Variants in COL23A1 observed in about 807,000 individuals in gnomAD.
COL23A1 encodes collagen alpha-1(XXIII) chain.
Under a neutral mutation model 99.3 loss-of-function variants are expected in COL23A1, and 97 were observed. The ratio of observed to expected loss-of-function variants is 0.98; its 90% CI spans 0.83 to 1.16. The LOEUF (loss-of-function observed/expected upper bound fraction) is 1.16, where lower values mean the gene tolerates loss of function less well. COL23A1 is among the 50% of genes most tolerant of loss of function. The probability of loss-of-function intolerance (pLI) is 0.00; values close to 1 mark genes in which losing one functional copy is unlikely to be tolerated. For synonymous variants in COL23A1, 320 were observed against 308.2 expected (o/e 1.04, Z -0.40); for missense variants, 762 against 757.4 (o/e 1.01, Z -0.07).
Position 178,307,450 on chromosome 5 carries a change from T to G in COL23A1, c.362-531A>C, listed in dbSNP as rs569107996. On this transcript the variant is annotated intron_variant, in intron 2 of 28. Coordinates refer to ENST00000390654, the MANE Select transcript of COL23A1 (RefSeq NM_173465.4). The surrounding 1 kb of genome is among the most constrained non-coding windows in gnomAD (Gnocchi z 4.2). ...TCCGCCTGCAGTCTCCGCCACTCGC[T>G]GGGGCCTCCAGCTCCTCCTTCCCCA... Among the ~76,000 whole-genome samples the G allele has an allele frequency of 1.7e-4, 26 of 152,350 alleles. No individual in the cohort carries two copies. The highest frequency in any genetic ancestry group is 5.5e-4 in the African/African-American group (23 of 41,584).
rs904416278 is a variant in COL23A1 at position 178,249,937 on chromosome 5, G to T, written c.1059+124C>A. 105 of 1,323,468 alleles carry T rather than the reference G, an allele frequency of 7.9e-5. No individual in the cohort carries two copies. The Middle Eastern group carries it at 1.0e-3, about 13-fold the overall frequency. The allele number at this position is 1,323,468 out of a possible 1,614,324, so 82.0% of individuals were successfully genotyped here. A position where few individuals can be genotyped will look rare whatever the true frequency, so the allele number is the denominator to read the frequency against. On this transcript the variant is annotated intron_variant, in intron 18 of 28. Coordinates refer to ENST00000390654, the MANE Select transcript of COL23A1 (RefSeq NM_173465.4). Reference sequence around the variant, plus strand: ...CCTGGTGCCAAAATCCATGATTTTTGATTTTCTCACACATGGTGTTTCTCT... The same window carrying T: ...CCTGGTGCCAAAATCCATGATTTTTTATTTTCTCACACATGGTGTTTCTCT...
At chr5:178,370,871 G>A (rs1762763090) in intron 2 of COL23A1, among the ~76,000 whole-genome samples, 1 of 152,184 alleles carries the variant, frequency 6.6e-6, no homozygotes, top group Non-Finnish European at 1.5e-5. Flanking sequence ...GAGCCCAGGA[G>A]GTCAAGGTTG....
chr5:178,372,729 C>T (rs1464778461), intron 2 of COL23A1, among the ~76,000 whole-genome samples: 1 of 151,842 alleles, frequency 6.6e-6, no homozygotes, highest in Non-Finnish European at 1.5e-5. Flanking sequence ...CCCACCACCA[C>T]ACCTGGCTAA....
In COL23A1 at chr5:178,296,106, G is replaced by C. The variant is rs117250082; in HGVS notation, c.407-5737C>G. On this transcript the variant is annotated intron_variant, in intron 3 of 28. Transcript: ENST00000390654. ...CTTGACAGTGGCTGGAGAAAGCTCT[G>C]TGTCTTTGCTCCTCCCAGCTTTTGC... Among the ~76,000 whole-genome samples the C allele has an allele frequency of 7.7e-4, 117 of 152,320 alleles. 1 individual carries two copies. The East Asian group carries it at 0.02, about 27-fold the overall frequency.
intron 2 of COL23A1, among the ~76,000 whole-genome samples, chr5:178,497,515 G>A (rs1448169384): frequency 6.6e-6 from 1 of 152,210 alleles, no homozygotes; most frequent in East Asian, 1.9e-4. Flanking sequence ...AGGCCCTGTG[G>A]ATGAGAGTCA....
chr5:178,386,309 T>C (rs915593693), intron 2 of COL23A1, among the ~76,000 whole-genome samples: 6 of 151,958 alleles, frequency 3.9e-5, no homozygotes, highest in African/African-American at 1.5e-4. Context: ...CATGGAAGCA[T>C]GCGCCTGTAG....
chr5:178,462,973 A>G (rs764440326), intron 2 of COL23A1, among the ~76,000 whole-genome samples: 23 of 152,274 alleles, frequency 1.5e-4, no homozygotes, highest in Non-Finnish European at 3.2e-4. Flanking sequence ...ATAATTAGCA[A>G]AGCAGAACCA....
chr5:178,332,880 T>C (rs779235836), intron 2 of COL23A1, among the ~76,000 whole-genome samples: 7 of 152,148 alleles, frequency 4.6e-5, no homozygotes, highest in Non-Finnish European at 1.0e-4. Flanking sequence ...ATCTTTCCAT[T>C]TTTCAAGAGA....
chr5:178,517,565 T>TTTTTTTC (rs57447640), intron 2 of COL23A1, among the ~76,000 whole-genome samples: 2,718 of 112,554 alleles, frequency 0.024, 209 homozygotes, highest in African/African-American at 0.087. Context: ...CAGTTTTTTT[T>TTTTTTTC]TTGTTTTTTT....
chr5:178,246,042 C>T (rs1764675236), intron 24 of COL23A1, 74 bp from the exon 25 acceptor site: 2 of 1,561,390 alleles, frequency 1.3e-6, no homozygotes, highest in Non-Finnish European at 1.8e-6. Flanking sequence ...GAAGTCCAGC[C>T]CTGTGGGTTG....
chr5:178,497,095 G>A (rs1013374092), intron 2 of COL23A1, among the ~76,000 whole-genome samples: 9 of 152,128 alleles, frequency 5.9e-5, no homozygotes, highest in Admixed American at 3.3e-4. Context: ...GGCTGTCACG[G>A]TGTTCTGTGG....
At chr5:178,290,679 C>T (rs775442235) in intron 3 of COL23A1, among the ~76,000 whole-genome samples, 1 of 152,172 alleles carries the variant, frequency 6.6e-6, no homozygotes, top group African/African-American at 2.4e-5. Flanking sequence ...GGAACATGTT[C>T]CTACTTAAAG....
intron 18 of COL23A1, 63 bp downstream of exon 18, chr5:178,249,997 AC>A: frequency 1.3e-6 from 2 of 1,559,066 alleles, no homozygotes; most frequent in East Asian, 2.2e-5. Flanking sequence ...ACACACACAC[AC>A]ACACACACAC....
At chr5:178,350,127 A>G (rs141837189) in intron 2 of COL23A1, among the ~76,000 whole-genome samples, 102 of 152,174 alleles carry the variant, frequency 6.7e-4, no homozygotes, top group African/African-American at 2.4e-3. Context: ...CCTGCCTACA[A>G]TTACACTGAG....
At chr5:178,259,800 GC>G in intron 11 of COL23A1, 53 bp from the exon 12 acceptor site, 1 of 1,534,466 alleles carries the variant, frequency 6.5e-7, no homozygotes, top group Non-Finnish European at 8.9e-7. Flanking sequence ...TAGGAGAGTG[GC>G]CCGGACCCCG....
chr5:178,299,561 G>A (rs1292706302), intron 3 of COL23A1, among the ~76,000 whole-genome samples: 1 of 152,010 alleles, frequency 6.6e-6, no homozygotes, highest in African/African-American at 2.4e-5. Flanking sequence ...TCTAGTTAAA[G>A]GTTTGTCAGT....
chr5:178,297,793 C>T (rs1330369537), intron 3 of COL23A1, among the ~76,000 whole-genome samples: 5 of 152,086 alleles, frequency 3.3e-5, no homozygotes, highest in African/African-American at 1.2e-4. Flanking sequence ...TCAGCATGTG[C>T]TGAATGGATG....
At chr5:178,279,677 C>T (rs1010936548) in intron 5 of COL23A1, among the ~76,000 whole-genome samples, 4 of 152,190 alleles carry the variant, frequency 2.6e-5, no homozygotes, top group Middle Eastern at 3.2e-3. Context: ...TTCCTCAAGG[C>T]TGGGTGCTCC....
chr5:178,374,376 C>T (rs1762958593), intron 2 of COL23A1, among the ~76,000 whole-genome samples: 1 of 152,216 alleles, frequency 6.6e-6, no homozygotes, highest in Non-Finnish European at 1.5e-5. Flanking sequence ...TCATAATGGT[C>T]ACCACTGCCT....
Sources: gnomAD v4.1 joint callset for allele counts (sites outside exome capture counted in the v4.1 genomes callset) on GRCh38, gnomAD v4.1.1 for gene constraint, Gnocchi (gnomAD v3.1) non-coding constraint, MANE v1.5 for transcripts, NCBI Gene and HGNC (gene_info 2026-07-23, HGNC 2026-07-21) for gene names.